The following LYST variants were observed in gnomAD, a reference collection of about 807,000 sequenced individuals.
The protein encoded by LYST is lysosomal-trafficking regulator.
In LYST, 192 loss-of-function variants were observed where a neutral mutation model predicts 413.6. That is an observed-to-expected ratio of 0.46 (90% CI 0.41 to 0.52). The LOEUF (loss-of-function observed/expected upper bound fraction) is 0.52, where lower values mean the gene tolerates loss of function less well. Among genes scored for constraint, LYST ranks in the 20% least tolerant of loss-of-function variants. LYST has a pLI of 0.00. For synonymous variants in LYST, 1,525 were observed against 1,567.3 expected (o/e 0.97, Z 0.64); for missense variants, 3,815 against 4,499.9 (o/e 0.85, Z 4.35).
At chr1:235,764,259 C>T (rs1048490594) in intron 21 of LYST, among the ~76,000 whole-genome samples, 1 of 152,096 alleles carries the variant, frequency 6.6e-6, no homozygotes, top group Non-Finnish European at 1.5e-5. Context: ...GTGCTTTCCA[C>T]GTGGCATGAT....
chr1:235,797,155 T>C (rs1352404281), intron 10 of LYST, among the ~76,000 whole-genome samples: 4 of 152,024 alleles, frequency 2.6e-5, no homozygotes, highest in Admixed American at 1.3e-4. Context: ...ACACAAAAAA[T>C]TGTACATGAG....
chr1:235,788,749 A>C lies in LYST; in HGVS notation c.4640T>G (p.Leu1547Trp). The C allele has an allele frequency of 6.2e-7, 1 of 1,613,848 alleles. No individual in the cohort carries two copies. Among genetic ancestry groups the C allele is most frequent in the Non-Finnish European group, 8.5e-7 (1 of 1,179,860 alleles). Residue 1547 changes from leucine (L) to tryptophan (W), a missense_variant, in exon 13 of 53, where the codon TTG (leucine) becomes TGG (tryptophan). Around this residue, in one of 4 missense-constraint regions of LYST, gnomAD observed 1,648 missense variants for 1,810.3 expected, o/e 0.91. Transcript: ENST00000389793. The stretch of plus-strand genomic sequence containing the variant: ...GGGATCAGCCCACACTTGGATCATC[A>C]ACGCTTTGGATCCCAGTGAAATTAT... ...IHIISLGSKA[L>W]MIQVWADPHN...
chr1:235,693,253 T>G (rs1660819695), intron 47 of LYST, 97 bp downstream of exon 47: 1 of 900,338 alleles, frequency 1.1e-6, no homozygotes, highest in African/African-American at 1.7e-5. Context: ...GAGGTGGAGC[T>G]TGCAGTGAGC....
intron 28 of LYST, among the ~76,000 whole-genome samples, chr1:235,750,873 T>A (rs1666423004): frequency 6.6e-6 from 1 of 152,174 alleles, no homozygotes; most frequent in Non-Finnish European, 1.5e-5. Flanking sequence ...CTTCCCTAAC[T>A]CCTGATGTAG....
intron 20 of LYST, among the ~76,000 whole-genome samples, chr1:235,768,849 G>C (rs1668385974): frequency 1.3e-5 from 2 of 152,140 alleles, no homozygotes; most frequent in South Asian, 2.1e-4. Context: ...CAGTAAGCAA[G>C]GGGCCTGAAG....
intron 45 of LYST, among the ~76,000 whole-genome samples, chr1:235,698,996 CTTTTA>C (rs1661329915): frequency 6.6e-6 from 1 of 152,014 alleles, no homozygotes; most frequent in Admixed American, 6.6e-5. Flanking sequence ...AAGGAACTTC[CTTTTA>C]TATGAGTTGC....
chr1:235,699,102 T>C (rs1370035950), intron 45 of LYST, among the ~76,000 whole-genome samples: 1 of 151,876 alleles, frequency 6.6e-6, no homozygotes, highest in Non-Finnish European at 1.5e-5. Flanking sequence ...TATTCTCCTT[T>C]CTTTTTTTTA....
intron 1 of LYST, among the ~76,000 whole-genome samples, chr1:235,864,717 A>C (rs563979978): frequency 6.6e-6 from 1 of 152,316 alleles, no homozygotes; most frequent in Admixed American, 6.5e-5. Flanking sequence ...GGATCGCTTG[A>C]GCCCAGGAGT....
intron 16 of LYST, among the ~76,000 whole-genome samples, chr1:235,779,332 C>G (rs1259073829): frequency 2.0e-5 from 3 of 152,098 alleles, no homozygotes; most frequent in South Asian, 2.1e-4. Flanking sequence ...GACCTATATA[C>G]CGTTCAGGAA....
At chr1:235,777,999 C>T (rs1312094009) in intron 16 of LYST, among the ~76,000 whole-genome samples, 3 of 148,260 alleles carry the variant, frequency 2.0e-5, no homozygotes, top group Admixed American at 6.7e-5. Flanking sequence ...CATAGCTCAC[C>T]GTAGCCTTGA....
rs746156651 is a variant in LYST, at chr1:235,788,738, C to T, written c.4651G>A (p.Val1551Met). The T allele has an allele frequency of 2.2e-5, 35 of 1,613,694 alleles. No homozygotes were observed. The highest frequency in any genetic ancestry group is 2.8e-5 in the Non-Finnish European group (33 of 1,179,856). ...SLGSKALMIQVWADPHNATLI... is the reference protein window; with the variant it reads ...SLGSKALMIQMWADPHNATLI... ...GTGGCATTGTGGGGATCAGCCCACA[C>T]TTGGATCATCAACGCTTTGGATCCC... Residue 1551 changes from valine (V) to methionine (M), a missense_variant, in exon 13 of 53, where the codon GTG becomes ATG. By Grantham distance (21) the Val-to-Met change is conservative. This residue lies in a region of LYST where 530 missense variants were observed against 696.5 expected (regional missense o/e 0.76). Transcript: ENST00000389793.
chr1:235,745,687 C>A (rs2103277628), intron 29 of LYST, among the ~76,000 whole-genome samples: 1 of 152,182 alleles, frequency 6.6e-6, no homozygotes, highest in South Asian at 2.1e-4. Flanking sequence ...ACATCCATAC[C>A]ACAAATATCA....
rs568480270 is a variant in LYST, at chr1:235,691,010, G to A, written c.10701+2340C>T. ...TGGCTCACTGCAAGCTCCGCCTCCC[G>A]GGTTCACGCCATTCTCCTGCCTCAG... On this transcript the variant is annotated intron_variant, in intron 47 of 52. Coordinates refer to ENST00000389793, the MANE Select transcript of LYST (RefSeq NM_000081.4). Among the ~76,000 whole-genome samples, 472 of 151,816 alleles carry A rather than the reference G, an allele frequency of 3.1e-3. 4 individuals are homozygous for A. Among genetic ancestry groups the A allele is most frequent in the African/African-American group, 0.01 (432 of 41,394 alleles).
intron 44 of LYST, 127 bp from the exon 45 acceptor site, chr1:235,703,104 T>C: frequency 1.4e-6 from 1 of 729,238 alleles, no homozygotes; most frequent in Admixed American, 2.1e-5. Context: ...TTTGTTCAGG[T>C]TAACAATCAC....
At chr1:235,836,893 T>C (rs1310071971) in intron 1 of LYST, among the ~76,000 whole-genome samples, 1 of 152,204 alleles carries the variant, frequency 6.6e-6, no homozygotes, top group African/African-American at 2.4e-5. Context: ...AGTAGGCAGC[T>C]GAAGATCAAA....
intron 1 of LYST, among the ~76,000 whole-genome samples, chr1:235,872,788 T>A (rs1015605387): frequency 6.6e-6 from 1 of 151,994 alleles, no homozygotes; most frequent in Non-Finnish European, 1.5e-5. Context: ...TGGTGGTGCA[T>A]GCCTGTAGTC....
Position 235,808,446 on chromosome 1 carries a change from C to T in LYST, c.2363+9G>A. The T allele has an allele frequency of 1.2e-6, 2 of 1,612,678 alleles. No homozygotes were observed. Among genetic ancestry groups the T allele is most frequent in the East Asian group, 2.2e-5 (1 of 44,812 alleles). ...CCCCGCCCCCGCCGCCACCCACACA[C>T]ATACAAACCTGGATTTAAGCAGGAT... On this transcript the variant is annotated intron_variant, in intron 5 of 52. Transcript: ENST00000389793.
At chr1:235,813,186 A>C in intron 3 of LYST, 125 bp from the exon 4 acceptor site, 1 of 698,414 alleles carries the variant, frequency 1.4e-6, no homozygotes, top group Admixed American at 2.2e-5. Context: ...AAAGCTAAGA[A>C]TCAAATTAAC....
rs1660264365 is a variant in LYST at position 235,686,911 on chromosome 1, A to T, written c.10800+38T>A. 1 of 1,460,794 alleles carries T rather than the reference A, an allele frequency of 6.8e-7. No individual in the cohort carries two copies. Among genetic ancestry groups the T allele is most frequent in the Admixed American group, 1.7e-5 (1 of 59,798 alleles). The allele number at this position is 1,460,794 out of a possible 1,614,324, so 90.5% of individuals were successfully genotyped here. A position where few individuals can be genotyped will look rare whatever the true frequency, so the allele number is the denominator to read the frequency against. ...TAAAGGCTTTCTTCCCCTCATTGAC[A>T]AAGTCCCATACTACCCACACAGAAG... On this transcript the variant is annotated intron_variant, in intron 48 of 52. Coordinates refer to ENST00000389793, the MANE Select transcript of LYST (RefSeq NM_000081.4). This position sits in a 1 kb window ranked among gnomAD's most constrained non-coding sequence, Gnocchi z 4.0.
Sources: allele counts gnomAD v4.1 joint callset (sites outside exome capture counted in the v4.1 genomes callset), GRCh38; gene constraint gnomAD v4.1.1; regional missense constraint gnomAD v4.1.1; non-coding constraint Gnocchi (gnomAD v3.1); transcripts MANE v1.5; gene names NCBI Gene and HGNC (gene_info 2026-07-23, HGNC 2026-07-21).